The following ANKFN1 variants were observed in gnomAD, a reference collection of about 807,000 sequenced individuals.
ANKFN1 encodes ankyrin repeat and fibronectin type-III domain-containing protein 1.
A neutral mutation model predicts 108.7 loss-of-function variants in ANKFN1; 74 were observed. That is an observed-to-expected ratio of 0.68 (90% CI 0.56 to 0.83). The LOEUF (loss-of-function observed/expected upper bound fraction) is 0.83. Ranked by LOEUF, ANKFN1 falls within the 40% of genes least tolerant of loss-of-function variation. The pLI is 0.00. For missense variants in ANKFN1, 1,505 were observed against 1,382.3 expected, an observed-to-expected ratio of 1.09 and a Z score of -1.41; for synonymous variants, 547 against 516.2, an observed-to-expected ratio of 1.06 and a Z score of -0.81.
intron 4 of ANKFN1, among the ~76,000 whole-genome samples, chr17:56,063,205 G>C (rs946740688): frequency 2.0e-5 from 3 of 152,024 alleles, no homozygotes; most frequent in African/African-American, 7.2e-5. Flanking sequence ...TTCAACCTTA[G>C]AGAATCCGAA....
chr17:56,050,142 G>T (rs931643075), intron 4 of ANKFN1, among the ~76,000 whole-genome samples: 1 of 151,688 alleles, frequency 6.6e-6, no homozygotes, highest in African/African-American at 2.4e-5. Flanking sequence ...CTGGTGGCCA[G>T]TGATGATGAG....
intron 8 of ANKFN1, among the ~76,000 whole-genome samples, chr17:56,419,836 A>C (rs894201793): frequency 1.3e-5 from 2 of 151,856 alleles, no homozygotes; most frequent in African/African-American, 4.8e-5. Context: ...AAAGAAAGAA[A>C]TAAGAAGAAA....
chr17:56,161,691 A>G (rs1909666340), intron 1 of ANKFN1, among the ~76,000 whole-genome samples: 2 of 152,184 alleles, frequency 1.3e-5, no homozygotes, highest in Non-Finnish European at 2.9e-5. Context: ...CATAAACCCT[A>G]TAGAGGATTA....
At chr17:56,468,215 G>T (rs2145303069) in intron 15 of ANKFN1, among the ~76,000 whole-genome samples, 1 of 152,164 alleles carries the variant, frequency 6.6e-6, no homozygotes, top group Non-Finnish European at 1.5e-5. Flanking sequence ...TAGTGAGTGG[G>T]GGACAGGAAA....
chr17:56,369,774 G>T (rs1347627517), intron 6 of ANKFN1, among the ~76,000 whole-genome samples: 1 of 152,072 alleles, frequency 6.6e-6, no homozygotes, highest in African/African-American at 2.4e-5. Context: ...ATAAATAAAA[G>T]TTTGCTTGCC....
intron 8 of ANKFN1, among the ~76,000 whole-genome samples, chr17:56,391,003 C>T (rs1049206005): frequency 2.6e-5 from 4 of 151,382 alleles, no homozygotes; most frequent in Admixed American, 1.3e-4. Context: ...TATAGAACTT[C>T]TTAGAGTCTT....
At chr17:56,410,904 T>A (rs1417221182) in intron 8 of ANKFN1, among the ~76,000 whole-genome samples, 1 of 152,242 alleles carries the variant, frequency 6.6e-6, no homozygotes, top group East Asian at 1.9e-4. Context: ...ATGACAATAC[T>A]ATGCAATTTT....
chr17:56,488,080 A>G (rs1470728451), intron 18 of ANKFN1, among the ~76,000 whole-genome samples: 1 of 152,232 alleles, frequency 6.6e-6, no homozygotes, highest in East Asian at 1.9e-4. Flanking sequence ...AGCAAAGAAA[A>G]GATTTTAAGA....
rs566501369 is a variant in ANKFN1 at position 56,269,911 on chromosome 17, T to G, written c.53+41954T>G. Among the ~76,000 whole-genome samples the G allele has an allele frequency of 2.0e-5, 3 of 152,284 alleles. No individual in the cohort carries two copies. In the South Asian group the frequency reaches 6.2e-4, roughly 32 times the overall value. ...TTCCCCTAACCCTTGTGTTTCATTT[T>G]TAAACCCCAGTGCCTGCAAAGAGAC... is the stretch of plus-strand genomic sequence containing the variant. On this transcript the variant is annotated intron_variant, in intron 3 of 20. Coordinates refer to ENST00000682825, the MANE Select transcript of ANKFN1 (RefSeq NM_001370326.1).
At chr17:56,096,388 A>G (rs1387687566) in intron 4 of ANKFN1, among the ~76,000 whole-genome samples, 2 of 152,216 alleles carry the variant, frequency 1.3e-5, no homozygotes, top group Non-Finnish European at 2.9e-5. Context: ...CCTAGAGATG[A>G]AATTTGAATT....
intron 8 of ANKFN1, among the ~76,000 whole-genome samples, chr17:56,393,457 A>G (rs573506083): frequency 6.6e-6 from 1 of 152,288 alleles, no homozygotes; most frequent in East Asian, 1.9e-4. Context: ...AGACAACATG[A>G]CATTTATTTG....
intron 3 of ANKFN1, among the ~76,000 whole-genome samples, chr17:56,299,598 G>A (rs2044615589): frequency 6.6e-6 from 1 of 152,204 alleles, no homozygotes; most frequent in African/African-American, 2.4e-5. Context: ...ACATCAATCT[G>A]GGCTTTGAAT....
At chr17:56,454,044 C>T (rs765013869) in intron 11 of ANKFN1, among the ~76,000 whole-genome samples, 3 of 152,180 alleles carry the variant, frequency 2.0e-5, no homozygotes, top group Non-Finnish European at 4.4e-5. Flanking sequence ...AATTGTGAGA[C>T]ATTTTCTTAA....
chr17:56,438,816 C>T (rs1169745263), intron 8 of ANKFN1, among the ~76,000 whole-genome samples: 4 of 151,892 alleles, frequency 2.6e-5, no homozygotes, highest in African/African-American at 9.7e-5. Flanking sequence ...ATAGTTAGAG[C>T]CATAAAAAGT....
intron 6 of ANKFN1, among the ~76,000 whole-genome samples, chr17:56,361,960 T>C (rs1424241441): frequency 6.6e-6 from 1 of 152,094 alleles, no homozygotes; most frequent in East Asian, 1.9e-4. Flanking sequence ...AGTGACATAG[T>C]GTCATTTCTG....
At chr17:56,257,630 G>A (rs771361057) in intron 3 of ANKFN1, among the ~76,000 whole-genome samples, 6 of 152,160 alleles carry the variant, frequency 3.9e-5, no homozygotes, top group Admixed American at 6.5e-5. Context: ...GGGGAAATGA[G>A]GACACGGGGC....
At chr17:56,464,226 C>A (rs568483287) in intron 14 of ANKFN1, among the ~76,000 whole-genome samples, 2 of 152,110 alleles carry the variant, frequency 1.3e-5, no homozygotes, top group African/African-American at 4.8e-5. Flanking sequence ...CTTATTCAAC[C>A]CCTTAGAAAA....
At chr17:56,496,279 C>G (rs1033499724) in intron 19 of ANKFN1, among the ~76,000 whole-genome samples, 2 of 152,032 alleles carry the variant, frequency 1.3e-5, no homozygotes, top group African/African-American at 4.8e-5. Context: ...TACGCTAAAT[C>G]CCTCTATTCA....
upstream of ANKFN1, chr17:56,153,467 C>T: frequency 1.2e-6 from 2 of 1,613,282 alleles, no homozygotes; most frequent in Non-Finnish European, 1.7e-6. Flanking sequence ...CCCTCCACCC[C>T]CCAGGTCCTC....
Sources: allele counts gnomAD v4.1 joint callset (sites outside exome capture counted in the v4.1 genomes callset), GRCh38; gene constraint gnomAD v4.1.1; transcripts MANE v1.5; gene names NCBI Gene and HGNC (gene_info 2026-07-23, HGNC 2026-07-21).